ULK4: variants seen among roughly 807,000 people sequenced by gnomAD.
The protein encoded by ULK4 is unc-51 like kinase 4.
In ULK4, 133 loss-of-function variants were observed where a neutral mutation model predicts 160.6. The observed-to-expected ratio is 0.83, with a 90% CI of 0.72 to 0.96. The LOEUF is 0.96. ULK4 is among the 40% of genes least tolerant of loss of function. The pLI is 0.00. For synonymous variants in ULK4, 534 were observed against 539.8 expected (o/e 0.99, Z 0.15); for missense variants, 1,580 against 1,499.5 (o/e 1.05, Z -0.89).
rs377466730 is a variant in ULK4, at chr3:41,461,965, C to A, written c.3393+1122G>T. ...TACATAATTAGCAATTATTTAAGTA[C>A]GTAACAATTATTTACTGTTAATTTG... On this transcript the variant is annotated intron_variant, in intron 33 of 36. Coordinates refer to ENST00000301831, the MANE Select transcript of ULK4 (RefSeq NM_017886.4). 6.0e-4 allele frequency among the ~76,000 whole-genome samples: 92 copies of A among 152,216 alleles called. 2 individuals are homozygous for A. The South Asian group carries it at 0.018, about 30-fold the overall frequency.
chr3:41,742,027 A>G (rs1421749364), intron 22 of ULK4, among the ~76,000 whole-genome samples: 1 of 151,918 alleles, frequency 6.6e-6, no homozygotes, highest in Non-Finnish European at 1.5e-5. Flanking sequence ...AGATGGCCTA[A>G]CAACAGAAAT....
intron 34 of ULK4, among the ~76,000 whole-genome samples, chr3:41,437,573 G>A (rs566193941): frequency 1.3e-5 from 2 of 152,286 alleles, no homozygotes; most frequent in African/African-American, 2.4e-5. Flanking sequence ...CCCCAGAGAT[G>A]CAGAGTGAGA....
chr3:41,463,330 A>AGAATGCCTCTC, intron 32 of ULK4, 77 bp from the exon 33 acceptor site: 1 of 1,421,742 alleles, frequency 7.0e-7, no homozygotes, highest in Non-Finnish European at 9.6e-7. Context: ...AAAGAGAGGC[A>AGAATGCCTCTC]TTCTGGCTCT....
At chr3:41,384,068 A>G (rs2081739992) in intron 35 of ULK4, among the ~76,000 whole-genome samples, 1 of 152,168 alleles carries the variant, frequency 6.6e-6, no homozygotes, top group Non-Finnish European at 1.5e-5. Flanking sequence ...AGTGATTGCA[A>G]GGGTAACACA....
At chr3:41,600,596 A>G (rs1455579031) in intron 31 of ULK4, among the ~76,000 whole-genome samples, 1 of 152,250 alleles carries the variant, frequency 6.6e-6, no homozygotes, top group Non-Finnish European at 1.5e-5. Flanking sequence ...TGCAAATTGC[A>G]ACACTTCATG....
chr3:41,800,207 T>C lies in ULK4; in HGVS notation c.1935A>G (p.Thr645=), dbSNP rs745998843. Residue 645 remains threonine, a synonymous_variant, in exon 20 of 37, where the codon ACA becomes ACG. Transcript: ENST00000301831. ...TFSAQSQGFI[T]GEIGPILWYL... ...ACCACAAAATGGGTCCTATTTCTCCTGTAATAAAGCCCTGGGACTGAGCAG... is the reference window on the plus strand; with the variant it reads ...ACCACAAAATGGGTCCTATTTCTCCCGTAATAAAGCCCTGGGACTGAGCAG... 25 of 1,613,884 alleles carry C rather than the reference T, an allele frequency of 1.5e-5. No homozygotes were observed. The highest frequency in any genetic ancestry group is 3.3e-5 in the Admixed American group (2 of 59,948).
chr3:41,389,696 C>G (rs553430946), intron 35 of ULK4, among the ~76,000 whole-genome samples: 1 of 152,276 alleles, frequency 6.6e-6, no homozygotes, highest in South Asian at 2.1e-4. Flanking sequence ...CTATGTTGAA[C>G]CAGCCTTGCA....
At chr3:41,436,528 A>C (rs140992199) in intron 34 of ULK4, among the ~76,000 whole-genome samples, 1 of 152,302 alleles carries the variant, frequency 6.6e-6, no homozygotes, top group East Asian at 1.9e-4. Context: ...GAGCTCTTCT[A>C]GTCCAACCAC....
At chr3:41,959,794 G>A (rs1419097635) in intron 1 of ULK4, among the ~76,000 whole-genome samples, 2 of 152,044 alleles carry the variant, frequency 1.3e-5, no homozygotes, top group African/African-American at 4.8e-5. Context: ...AGCCTGGCAT[G>A]GTGGTGCATG....
intron 35 of ULK4, among the ~76,000 whole-genome samples, chr3:41,270,320 G>T (rs2079118561): frequency 6.6e-6 from 1 of 152,090 alleles, no homozygotes; most frequent in African/African-American, 2.4e-5. Flanking sequence ...CCCAGCTGGG[G>T]AGCTGTGACT....
intron 1 of ULK4, among the ~76,000 whole-genome samples, chr3:41,961,540 G>A (rs1472762111): frequency 4.5e-5 from 6 of 133,018 alleles, no homozygotes; most frequent in Non-Finnish European, 9.1e-5. Flanking sequence ...GGGGCGCTAC[G>A]TAGTCACTCA....
At chr3:41,530,792 TCTCG>T (rs1416530156) in intron 32 of ULK4, among the ~76,000 whole-genome samples, 8 of 152,010 alleles carry the variant, frequency 5.3e-5, no homozygotes. Context: ...GGAGACGGAG[TCTCG>T]CTCTGTTGCC....
At chr3:41,387,152 C>T (rs986488987) in intron 35 of ULK4, among the ~76,000 whole-genome samples, 6 of 151,970 alleles carry the variant, frequency 3.9e-5, no homozygotes, top group African/African-American at 9.7e-5. Context: ...AGTAAGGTTT[C>T]GATACATATA....
At chr3:41,890,041 T>C (rs1340550761) in intron 16 of ULK4, among the ~76,000 whole-genome samples, 1 of 152,182 alleles carries the variant, frequency 6.6e-6, no homozygotes, top group Non-Finnish European at 1.5e-5. Flanking sequence ...ATATGAAATA[T>C]CAAAAATAGG....
rs142960124 is a variant in ULK4, at chr3:41,329,632, C to T, written c.3678+68447G>A. On this transcript the variant is annotated intron_variant, in intron 35 of 36. Transcript: ENST00000301831. ...AACCCAGTGTCATAAACATCTTTTC[C>T]TATCAATACATCTAGCTCTACCTCA... Among the ~76,000 whole-genome samples the T allele has an allele frequency of 7.6e-3, 1,155 of 152,230 alleles. 7 individuals carry two copies. Among genetic ancestry groups the T allele is most frequent in the Non-Finnish European group, 0.012 (807 of 68,016 alleles).
chr3:41,421,617 T>C lies in ULK4; in HGVS notation c.3493-23353A>G, dbSNP rs576088217. On this transcript the variant is annotated intron_variant, in intron 34 of 36. Transcript: ENST00000301831. ...ACTATTCCTGAATTCCAGAATCAAA[T>C]ATTATTTGGTTATATTAAGTAATGT... Among the ~76,000 whole-genome samples, 3 of 152,348 alleles carry C rather than the reference T, an allele frequency of 2.0e-5. No homozygotes were observed. The South Asian group carries it at 6.2e-4, about 32-fold the overall frequency.
At chr3:41,611,391 A>C (rs2032669959) in intron 31 of ULK4, among the ~76,000 whole-genome samples, 2 of 152,150 alleles carry the variant, frequency 1.3e-5, no homozygotes, top group South Asian at 4.1e-4. Context: ...TTGGCCTGCC[A>C]AACACCAGGA....
intron 21 of ULK4, among the ~76,000 whole-genome samples, chr3:41,785,244 A>G (rs2039966195): frequency 6.6e-6 from 1 of 152,248 alleles, no homozygotes; most frequent in Non-Finnish European, 1.5e-5. Context: ...AATAAATCAT[A>G]TAACAAGTTT....
intron 21 of ULK4, among the ~76,000 whole-genome samples, chr3:41,784,780 A>C (rs1300373986): frequency 6.6e-6 from 1 of 152,248 alleles, no homozygotes; most frequent in Non-Finnish European, 1.5e-5. Context: ...TCAATACATA[A>C]ACATCCACTC....
Sources: allele counts gnomAD v4.1 joint callset (sites outside exome capture counted in the v4.1 genomes callset), GRCh38; gene constraint gnomAD v4.1.1; transcripts MANE v1.5; gene names NCBI Gene and HGNC (gene_info 2026-07-23, HGNC 2026-07-21).